CEP170B: variants seen among roughly 807,000 people sequenced by gnomAD.
CEP170B encodes the protein centrosomal protein of 170 kDa protein B.
Under a neutral mutation model 120.6 loss-of-function variants are expected in CEP170B, and 55 were observed. The ratio of observed to expected loss-of-function variants is 0.46; its 90% CI spans 0.37 to 0.57. CEP170B has a LOEUF of 0.57. CEP170B is among the 20% of genes least tolerant of loss of function. CEP170B has a pLI of 0.00. For missense variants in CEP170B, 2,212 were observed against 2,253.3 expected (o/e 0.98, Z 0.37); for synonymous variants, 1,033 against 954.5 (o/e 1.08, Z -1.52).
intron 5 of CEP170B, 71 bp downstream of exon 5, chr14:104,878,572 G>C: frequency 6.6e-7 from 1 of 1,514,722 alleles, no homozygotes; most frequent in South Asian, 1.1e-5. Flanking sequence ...CCATGCTCCC[G>C]CTGCCATCTC....
chr14:104,865,415 G>T lies in CEP170B; in HGVS notation c.-126G>T, dbSNP rs1895153771. The T allele has an allele frequency of 6.7e-6, 1 of 149,822 alleles. No homozygotes were observed. Among genetic ancestry groups the T allele is most frequent in the African/African-American group, 2.4e-5 (1 of 41,138 alleles). 9.3% of individuals were successfully genotyped at this position (149,822 alleles called of 1,614,324 possible). A position where few individuals can be genotyped will look rare whatever the true frequency, so the allele number is the denominator to read the frequency against. ...GCCGGGCGGGCGGGCGGGCGCGAGG[G>T]CAGGGACCGAGCCGGGCCGAGCTGG... On this transcript the variant is annotated 5_prime_UTR_variant, in exon 1 of 19. Coordinates refer to ENST00000414716, the MANE Select transcript of CEP170B (RefSeq NM_001112726.3). The surrounding 1 kb of genome is among the most constrained non-coding windows in gnomAD (Gnocchi z 6.7).
At chr14:104,876,440 C>A in intron 3 of CEP170B, 95 bp downstream of exon 3, 1 of 1,160,986 alleles carries the variant, frequency 8.6e-7, no homozygotes, top group Non-Finnish European at 1.2e-6. Context: ...CAGTCATAGC[C>A]CCTCCCTCTC....
At chr14:104,872,482 T>TGTGTGCATGTGG (rs1555390699) in intron 2 of CEP170B, among the ~76,000 whole-genome samples, 1 of 106,018 alleles carries the variant, frequency 9.4e-6, no homozygotes. Flanking sequence ...TGTGTGTGCG[T>TGTGTGCATGTGG]GTGTGCCGTG....
chr14:104,877,889 T>C lies in CEP170B; in HGVS notation c.200T>C (p.Phe67Ser). The C allele has an allele frequency of 7.6e-7, 1 of 1,315,224 alleles. No individual in the cohort carries two copies. Among genetic ancestry groups the C allele is most frequent in the Non-Finnish European group, 1.0e-6 (1 of 987,120 alleles). 81.5% of individuals were successfully genotyped at this position (1,315,224 alleles called of 1,614,324 possible). A position where few individuals can be genotyped will look rare whatever the true frequency, so the allele number is the denominator to read the frequency against. ...CCGCCACCTGTTTTCCTGCAGACGT[T>C]TGTGAATGACATGCGCATCCCGGAC... ...VKDLGSLNGTFVNDMRIPDQK... is the reference protein window; with the variant it reads ...VKDLGSLNGTSVNDMRIPDQK... Residue 67 changes from phenylalanine (F) to serine (S), a missense_variant, in exon 4 of 19, where the codon TTT becomes TCT. Phe to Ser is a radical substitution (Grantham distance 155). Around this residue, in one of 2 missense-constraint regions of CEP170B, gnomAD observed 2,166 missense variants for 2,166.7 expected, o/e 1.00. Transcript: ENST00000414716.
At chr14:104,880,036 C>T (rs1198255532) in intron 5 of CEP170B, among the ~76,000 whole-genome samples, 1 of 152,166 alleles carries the variant, frequency 6.6e-6, no homozygotes, top group East Asian at 1.9e-4. Context: ...GCAGCCTGCT[C>T]TGTCCTGCCC....
rs964893470 is a variant in CEP170B at position 104,870,881 on chromosome 14, T to C, written c.105+2326T>C. On this transcript the variant is annotated intron_variant, in intron 2 of 18. Transcript: ENST00000414716. This position sits in a 1 kb window ranked among gnomAD's most constrained non-coding sequence, Gnocchi z 4.1. Reference sequence around the variant, plus strand: ...AGGGAGGCCTTGCAGGTGTGGCGAGTGTGGGAAGGCTGTCTGCCTCCCGGT... The same window carrying C: ...AGGGAGGCCTTGCAGGTGTGGCGAGCGTGGGAAGGCTGTCTGCCTCCCGGT... 1.3e-5 allele frequency among the ~76,000 whole-genome samples: 2 copies of C among 151,912 alleles called. No individual in the cohort carries two copies. The highest frequency in any genetic ancestry group is 6.6e-5 in the Admixed American group (1 of 15,260).
In CEP170B at chr14:104,883,047, G is replaced by A; in HGVS notation, c.590G>A (p.Gly197Glu). The A allele has an allele frequency of 6.5e-7, 1 of 1,527,562 alleles. No individual in the cohort carries two copies. Among genetic ancestry groups the A allele is most frequent in the Non-Finnish European group, 8.8e-7 (1 of 1,138,160 alleles). 94.6% of individuals were successfully genotyped at this position (1,527,562 alleles called of 1,614,324 possible). ...CTTCCCACACCAGAGCGCCCCAAGG[G>A]ACCAGTGCAGCAGGACGGGGAGCTC... ...QGEPYPERPK[G>E]PVQQDGELHG... The change falls in exon 8 of 19, where the codon GGA becomes GAA. Residue 197 changes from glycine (G) to glutamate (E), a missense_variant. Coordinates refer to ENST00000414716, the MANE Select transcript of CEP170B (RefSeq NM_001112726.3).
chr14:104,865,200 G>C (rs1895137616), upstream of CEP170B: 1 of 144,580 alleles, frequency 6.9e-6, no homozygotes, highest in South Asian at 1.8e-4. This position sits in a 1 kb window ranked among gnomAD's most constrained non-coding sequence, Gnocchi z 6.7. Flanking sequence ...GGCGCGGCCG[G>C]GCGGGGGCGG....
chr14:104,886,339 G>C lies in CEP170B; in HGVS notation c.2100G>C (p.Arg700=), dbSNP rs770172482. ...CCCTGCCTGTGCGCATGCGGCGACG[G>C]CTCCCTCAGCTGCCCAGTGAGAGGG... ...EGSLPVRMRR[R]LPQLPSERAD... is the part of the protein sequence containing the mutation. The change falls in exon 12 of 19, where the codon CGG becomes CGC. Residue 700 remains arginine (R), a synonymous_variant. Coordinates refer to ENST00000414716, the MANE Select transcript of CEP170B (RefSeq NM_001112726.3). 6.4e-7 allele frequency: 1 copy of C among 1,563,834 alleles called. No individual in the cohort carries two copies. The highest frequency in any genetic ancestry group is 1.4e-5 in the African/African-American group (1 of 74,066).
chr14:104,893,926 T>A (rs919222034), intron 16 of CEP170B, 77 bp downstream of exon 16: 7 of 1,374,366 alleles, frequency 5.1e-6, no homozygotes, highest in Non-Finnish European at 6.1e-6. Flanking sequence ...CCTGGCTGAA[T>A]CCCTCAAGGG....
chr14:104,885,893 G>A (rs974265860), intron 10 of CEP170B, 147 bp from the exon 11 acceptor site: 2 of 746,082 alleles, frequency 2.7e-6, no homozygotes, highest in African/African-American at 3.6e-5. Context: ...CTTTGCAGGG[G>A]CACGCTTGCT....
At chr14:104,892,829 T>G in intron 13 of CEP170B, 147 bp from the exon 14 acceptor site, 1 of 878,170 alleles carries the variant, frequency 1.1e-6, no homozygotes, top group Non-Finnish European at 1.8e-6. Flanking sequence ...TAGGCCGGTG[T>G]TTGGGGCCAG....
At chr14:104,878,999 G>GCAGAGGGCCCCGTT (rs779925370) in intron 5 of CEP170B, among the ~76,000 whole-genome samples, 77 of 152,342 alleles carry the variant, frequency 5.1e-4, no homozygotes, top group Non-Finnish European at 8.8e-4. Flanking sequence ...CTCCCTGGGA[G>GCAGAGGGCCCCGTT]CAGAGGGCCC....
In CEP170B at chr14:104,886,739, G is replaced by T; in HGVS notation, c.2500G>T (p.Asp834Tyr). 4 of 1,609,292 alleles carry T rather than the reference G, an allele frequency of 2.5e-6. No individual in the cohort carries two copies. The highest frequency in any genetic ancestry group is 3.4e-6 in the Non-Finnish European group (4 of 1,177,946). The change falls in exon 12 of 19, where the codon GAT becomes TAT. Residue 834 changes from aspartate to tyrosine, a missense_variant. Physicochemically the swap from Asp to Tyr is radical, Grantham distance 160. Around this residue, in one of 2 missense-constraint regions of CEP170B, gnomAD observed 2,166 missense variants for 2,166.7 expected, o/e 1.00. Transcript: ENST00000414716. The stretch of plus-strand genomic sequence containing the variant: ...AGCCCAGCCCAGCCCCCCAGCACGG[G>T]ATGGCGTCTATGTCAGTGCCAATGG... Reference protein sequence around the residue: ...QTAQPSPPARDGVYVSANGRM... With the variant: ...QTAQPSPPARYGVYVSANGRM...
At chr14:104,877,832 A>ACCCCCCCCCC in intron 3 of CEP170B, 53 bp from the exon 4 acceptor site, 3 of 307,610 alleles carry the variant, frequency 9.8e-6, no homozygotes, top group Non-Finnish European at 1.6e-5. Flanking sequence ...CCCTGCCCAC[A>ACCCCCCCCCC]GCCACCCACC....
intron 5 of CEP170B, among the ~76,000 whole-genome samples, chr14:104,879,275 A>T (rs1314131360): frequency 6.6e-6 from 1 of 151,660 alleles, no homozygotes; most frequent in Admixed American, 6.6e-5. Context: ...GTGTTAGAGG[A>T]TTTGGCGTTC....
chr14:104,874,544 C>T (rs1336384434), intron 2 of CEP170B, among the ~76,000 whole-genome samples: 1 of 152,114 alleles, frequency 6.6e-6, no homozygotes, highest in African/African-American at 2.4e-5. Context: ...TCAGGGATGG[C>T]TGCACCCAGG....
intron 13 of CEP170B, among the ~76,000 whole-genome samples, chr14:104,890,961 A>ATGGG (rs1896827804): frequency 1.8e-5 from 1 of 55,154 alleles, no homozygotes; most frequent in African/African-American, 8.0e-5. Flanking sequence ...GGGTGGATGG[A>ATGGG]TGGGTGGGTG....
In CEP170B at chr14:104,885,665, C is replaced by A. The variant is rs1032084970; in HGVS notation, c.1944+123C>A. 6.1e-6 allele frequency: 8 copies of A among 1,316,130 alleles called. No individual in the cohort carries two copies. The African/African-American group carries it at 1.1e-4, about 17-fold the overall frequency. 81.5% of individuals were successfully genotyped at this position (1,316,130 alleles called of 1,614,324 possible). The stretch of plus-strand genomic sequence containing the variant: ...TGGACTTTCCTCTGAGGGACACGCT[C>A]AGAGGAGGGTGGGCTGGGGCTTCCA... On this transcript the variant is annotated intron_variant, in intron 10 of 18. Coordinates refer to ENST00000414716, the MANE Select transcript of CEP170B (RefSeq NM_001112726.3).
Sources: gnomAD v4.1 joint callset for allele counts (sites outside exome capture counted in the v4.1 genomes callset) on GRCh38, gnomAD v4.1.1 for gene constraint, gnomAD v4.1.1 regional missense constraint, Gnocchi (gnomAD v3.1) non-coding constraint, MANE v1.5 for transcripts, NCBI Gene and HGNC (gene_info 2026-07-23, HGNC 2026-07-21) for gene names.